Variants in MCCC1 observed in about 807,000 individuals in gnomAD.
MCCC1 encodes the protein methylcrotonyl-CoA carboxylase subunit 1.
Under a neutral mutation model 83.8 loss-of-function variants are expected in MCCC1, and 64 were observed. The ratio of observed to expected loss-of-function variants is 0.76; its 90% CI spans 0.62 to 0.94. MCCC1 has a LOEUF of 0.94. Among genes scored for constraint, MCCC1 ranks in the 40% least tolerant of loss-of-function variants. MCCC1 has a pLI of 0.00. For synonymous variants in MCCC1, 322 were observed against 315.4 expected (o/e 1.02, Z -0.22); for missense variants, 807 against 904.7 (o/e 0.89, Z 1.39).
At chr3:183,090,521 C>CAT (rs1210024932) in intron 3 of MCCC1, among the ~76,000 whole-genome samples, 1 of 152,116 alleles carries the variant, frequency 6.6e-6, no homozygotes, top group Admixed American at 6.5e-5. Context: ...ACCTAGGCAT[C>CAT]ATCTCACTTA....
chr3:183,094,010 T>C (rs937745058), intron 2 of MCCC1, among the ~76,000 whole-genome samples: 2 of 151,952 alleles, frequency 1.3e-5, no homozygotes. Flanking sequence ...TAAAATGTTC[T>C]CCATTATTGC....
Position 183,072,482 on chromosome 3 carries a change from G to T in MCCC1, c.375C>A (p.Ile125=). Residue 125 remains isoleucine (I), a synonymous_variant, in exon 5 of 19, where the codon ATC becomes ATA. Transcript: ENST00000265594. ...CTGAGAGAAAACCGCATCCTGGATG[G>T]ATAGCCTAGAAATGAGAAATAAAAT... ...QVAKTSAAQA[I]HPGCGFLSEN... is the part of the protein sequence containing the mutation. The T allele has an allele frequency of 6.2e-7, 1 of 1,613,762 alleles. No individual in the cohort carries two copies. The highest frequency in any genetic ancestry group is 8.5e-7 in the Non-Finnish European group (1 of 1,179,800).
intron 7 of MCCC1, among the ~76,000 whole-genome samples, chr3:183,067,022 A>G (rs930324454): frequency 3.9e-5 from 6 of 152,388 alleles, no homozygotes; most frequent in Non-Finnish European, 8.8e-5. Context: ...GCATAAATGC[A>G]ATAAGAATCT....
At chr3:183,020,760 A>G (rs573543036) in intron 16 of MCCC1, among the ~76,000 whole-genome samples, 1 of 151,994 alleles carries the variant, frequency 6.6e-6, no homozygotes, top group Admixed American at 6.6e-5. Context: ...CATGCCTCAC[A>G]GTATATTAAA....
intron 2 of MCCC1, among the ~76,000 whole-genome samples, chr3:183,093,944 G>T (rs950887259): frequency 6.6e-6 from 1 of 152,020 alleles, no homozygotes; most frequent in African/African-American, 2.4e-5. Flanking sequence ...TCGTAGTTAT[G>T]ATTTTCCAAT....
chr3:183,029,023 T>C (rs946653192), intron 14 of MCCC1: 3 of 152,206 alleles, frequency 2.0e-5, no homozygotes, highest in South Asian at 2.1e-4. Flanking sequence ...CATAATGTTA[T>C]TGGCACACAA....
chr3:183,026,281 A>T (rs1309847407), intron 14 of MCCC1, among the ~76,000 whole-genome samples: 2 of 152,172 alleles, frequency 1.3e-5, no homozygotes, highest in African/African-American at 4.8e-5. Context: ...GACTCAAGTG[A>T]TCCATCTGCC....
chr3:183,045,348 G>A, intron 10 of MCCC1, 65 bp downstream of exon 10: 1 of 1,598,072 alleles, frequency 6.3e-7, no homozygotes, highest in Non-Finnish European at 8.6e-7. Context: ...CCAAAGTGCT[G>A]GGACTACAGG....
intron 7 of MCCC1, among the ~76,000 whole-genome samples, chr3:183,067,193 T>C (rs1424880034): frequency 1.3e-5 from 2 of 152,214 alleles, no homozygotes; most frequent in African/African-American, 2.4e-5. Flanking sequence ...AGTCTCTATA[T>C]AGGGTTCCTA....
At chr3:183,044,471 C>CTT (rs1293579030) in intron 10 of MCCC1, among the ~76,000 whole-genome samples, 3 of 152,112 alleles carry the variant, frequency 2.0e-5, no homozygotes, top group South Asian at 2.1e-4. Context: ...AACATTTACT[C>CTT]TGAATGAACA....
intron 14 of MCCC1, among the ~76,000 whole-genome samples, chr3:183,032,044 G>T (rs1713125698): frequency 6.6e-6 from 1 of 151,996 alleles, no homozygotes; most frequent in African/African-American, 2.4e-5. Flanking sequence ...TGGAGACTTA[G>T]CTATGTATCA....
intron 7 of MCCC1, among the ~76,000 whole-genome samples, chr3:183,057,795 C>T (rs1194597599): frequency 1.3e-5 from 2 of 152,128 alleles, no homozygotes; most frequent in Non-Finnish European, 2.9e-5. Context: ...TCACCTGAGC[C>T]CAGAAGGTTG....
intron 7 of MCCC1, among the ~76,000 whole-genome samples, chr3:183,059,876 A>G (rs977715344): frequency 3.3e-5 from 5 of 151,546 alleles, no homozygotes; most frequent in Non-Finnish European, 7.4e-5. Flanking sequence ...TTCCTCTAGT[A>G]TTTTCCTTCC....
intron 14 of MCCC1, among the ~76,000 whole-genome samples, chr3:183,026,156 C>T (rs1712581282): frequency 6.6e-6 from 1 of 152,136 alleles, no homozygotes; most frequent in Non-Finnish European, 1.5e-5. Context: ...GATCCCCTCA[C>T]CTCAGCCTCC....
At position 183,045,555 on chromosome 3, in the gene MCCC1, A is replaced by G. The variant is rs1271830126; in HGVS notation, c.956-15T>C. On this transcript the variant is annotated splice_polypyrimidine_tract_variant and intron_variant, in intron 9 of 18. Coordinates refer to ENST00000265594, the MANE Select transcript of MCCC1 (RefSeq NM_020166.5). ...CTCCACAGTCCCTAAAAGGTAAAAA[A>G]CAATGGTCATATTCAATAGTGTATA... The G allele has an allele frequency of 6.2e-7, 1 of 1,613,462 alleles. No homozygotes were observed. The highest frequency in any genetic ancestry group is 1.7e-5 in the Admixed American group (1 of 60,002).
rs1271764788 is a variant in MCCC1 at position 183,052,825 on chromosome 3, A to G, written c.874-585T>C. ...ACTTTGTCTCAAAAAAAAAAAAAAA[A>G]AAAAAAAAATACAGCCCAATCATGT... On this transcript the variant is annotated intron_variant, in intron 8 of 18. Transcript: ENST00000265594. Among the ~76,000 whole-genome samples, 10 of 151,896 alleles carry G rather than the reference A, an allele frequency of 6.6e-5. No homozygotes were observed. In the South Asian group the frequency reaches 1.9e-3, roughly 28 times the overall value.
At chr3:183,039,737 T>C (rs1713910990) in intron 11 of MCCC1, among the ~76,000 whole-genome samples, 1 of 152,082 alleles carries the variant, frequency 6.6e-6, no homozygotes, top group South Asian at 2.1e-4. Context: ...GAAAAGAACG[T>C]TGTTGCAGGG....
intron 14 of MCCC1, chr3:183,028,998 T>C (rs991119230): frequency 6.6e-6 from 1 of 152,238 alleles, no homozygotes; most frequent in Non-Finnish European, 1.5e-5. Flanking sequence ...GGTATATACA[T>C]TGTTTTTATT....
At chr3:183,045,087 C>A (rs1560228267) in intron 10 of MCCC1, among the ~76,000 whole-genome samples, 1 of 150,684 alleles carries the variant, frequency 6.6e-6, no homozygotes, top group African/African-American at 2.5e-5. Flanking sequence ...CCCATCAAGA[C>A]TGATCTTTTT....
Sources: gnomAD v4.1 joint callset for allele counts (sites outside exome capture counted in the v4.1 genomes callset) on GRCh38, gnomAD v4.1.1 for gene constraint, MANE v1.5 for transcripts, NCBI Gene and HGNC (gene_info 2026-07-23, HGNC 2026-07-21) for gene names.